UMODL1: variants seen among roughly 807,000 people sequenced by gnomAD.
UMODL1 encodes uromodulin-like 1.
In UMODL1, 128 loss-of-function variants were observed where a neutral mutation model predicts 136.3. The observed-to-expected ratio is 0.94, with a 90% CI of 0.81 to 1.09. The LOEUF (loss-of-function observed/expected upper bound fraction) is 1.09. UMODL1 is among the 50% of genes least tolerant of loss of function. UMODL1 has a pLI of 0.00. For missense variants in UMODL1, 1,766 were observed against 1,725.6 expected (o/e 1.02, Z -0.41); for synonymous variants, 721 against 720.0 (o/e 1.00, Z -0.02).
intron 17 of UMODL1, among the ~76,000 whole-genome samples, chr21:42,124,419 T>A (rs1352777917): frequency 6.6e-6 from 1 of 152,056 alleles, no homozygotes; most frequent in Non-Finnish European, 1.5e-5. Flanking sequence ...GAGGCCAGCG[T>A]CGTTCCAAGG....
At chr21:42,071,115 A>G (rs1389970091), upstream of UMODL1, among the ~76,000 whole-genome samples, 1 of 152,166 alleles carries the variant, frequency 6.6e-6, no homozygotes, top group African/African-American at 2.4e-5. Flanking sequence ...GGCCATGGCA[A>G]TGGTGGGTGT....
At position 42,111,112 on chromosome 21, in the gene UMODL1, G is replaced by A. The variant is rs758172756; in HGVS notation, c.1890G>A (p.Val630=). 3.7e-6 allele frequency: 6 copies of A among 1,609,750 alleles called. No individual in the cohort carries two copies. Among genetic ancestry groups the A allele is most frequent in the Non-Finnish European group, 5.1e-6 (6 of 1,178,354 alleles). The change falls in exon 11 of 23, where the codon GTG becomes GTA. Residue 630 remains valine, a synonymous_variant. Coordinates refer to ENST00000408910, the MANE Select transcript of UMODL1 (RefSeq NM_001004416.3). ...ACAGGAACAACACAGGAAAAGGCGT[G>A]GAGCAGGAGGTGCCCAGCACTGCCC... The part of the protein sequence containing the change: ...GYDRNNTGKG[V]EQELQGNSIM...
chr21:42,113,822 T>A lies in UMODL1; in HGVS notation c.2354T>A (p.Val785Glu), dbSNP rs780526566. The A allele has an allele frequency of 1.9e-6, 3 of 1,612,766 alleles. No individual in the cohort carries two copies. The East Asian group carries it at 6.7e-5, about 36-fold the overall frequency. The change falls in exon 13 of 23, where the codon GTG (valine) becomes GAG (glutamate). Residue 785 changes from valine (V) to glutamate (E), a missense_variant. By Grantham distance (121) the Val-to-Glu change is moderately radical. Transcript: ENST00000408910. ...GKEGARAHLKVRTAARKLIGK... is the reference protein window; with the variant it reads ...GKEGARAHLKERTAARKLIGK... Reference sequence around the variant, plus strand: ...GAAGGTGCCAGAGCTCATCTGAAAGTGAGGACAGGTAATGGGCTTCCATTT... The same window carrying A: ...GAAGGTGCCAGAGCTCATCTGAAAGAGAGGACAGGTAATGGGCTTCCATTT...
intron 21 of UMODL1, among the ~76,000 whole-genome samples, chr21:42,134,955 A>C (rs2067185631): frequency 6.6e-6 from 1 of 152,124 alleles, no homozygotes; most frequent in East Asian, 1.9e-4. Flanking sequence ...TCTGGGATAC[A>C]TGTGCAGAAC....
upstream of UMODL1, among the ~76,000 whole-genome samples, chr21:42,069,926 A>G (rs1250917344): frequency 6.6e-6 from 1 of 152,152 alleles, no homozygotes; most frequent in Non-Finnish European, 1.5e-5. Flanking sequence ...AACGTTTTTT[A>G]ATGAGCCAAT....
intron 2 of UMODL1, among the ~76,000 whole-genome samples, chr21:42,080,043 C>T (rs2066343449): frequency 6.6e-6 from 1 of 152,246 alleles, no homozygotes; most frequent in Non-Finnish European, 1.5e-5. Context: ...CATTTCTTCC[C>T]AGCCCCACGG....
intron 1 of UMODL1, among the ~76,000 whole-genome samples, chr21:42,074,902 AT>A: frequency 7.0e-6 from 1 of 143,498 alleles, no homozygotes; most frequent in Non-Finnish European, 1.5e-5. Context: ...TTTATTTTTT[AT>A]TTTTGTTTTT....
chr21:42,140,368 A>T (rs2067264703), intron 22 of UMODL1, among the ~76,000 whole-genome samples: 1 of 150,422 alleles, frequency 6.6e-6, no homozygotes, highest in Admixed American at 6.6e-5. Context: ...CGTGGCTAGG[A>T]GGTCCAGGGC....
At position 42,088,554 on chromosome 21, in the gene UMODL1, G is replaced by A. The variant is rs1202968270; in HGVS notation, c.790+74G>A. ...TGAACAGCCAAAATGCAAGGTGGAC[G>A]CTAAAGCCAGACCAGTCCTTTGTCT... is the stretch of plus-strand genomic sequence containing the variant. On this transcript the variant is annotated intron_variant, in intron 5 of 22. Transcript: ENST00000408910. 15 of 1,415,632 alleles carry A rather than the reference G, an allele frequency of 1.1e-5. No homozygotes were observed. In the South Asian group the frequency reaches 1.3e-4, roughly 12 times the overall value. 87.7% of individuals were successfully genotyped at this position (1,415,632 alleles called of 1,614,324 possible). A position where few individuals can be genotyped will look rare whatever the true frequency, so the allele number is the denominator to read the frequency against.
intron 8 of UMODL1, 51 bp from the exon 9 acceptor site, chr21:42,103,816 TA>T (rs1215493845): frequency 1.2e-6 from 2 of 1,604,056 alleles, no homozygotes; most frequent in Non-Finnish European, 1.7e-6. Flanking sequence ...GAACCCTGCT[TA>T]ATGGTCGTGA....
At chr21:42,072,192 G>A (rs1024307699) in intron 1 of UMODL1, among the ~76,000 whole-genome samples, 1 of 152,194 alleles carries the variant, frequency 6.6e-6, no homozygotes, top group Admixed American at 6.5e-5. Flanking sequence ...GGCTCTGTCC[G>A]GAGTTTTCCC....
In UMODL1 at chr21:42,099,949, C is replaced by T. The variant is rs1052669355; in HGVS notation, c.1186+769C>T. Among the ~76,000 whole-genome samples the T allele has an allele frequency of 1.3e-5, 2 of 152,330 alleles. No homozygotes were observed. The highest frequency in any genetic ancestry group is 2.9e-5 in the Non-Finnish European group (2 of 68,030). On this transcript the variant is annotated intron_variant, in intron 7 of 22. Transcript: ENST00000408910. The surrounding 1 kb of genome is among the most constrained non-coding windows in gnomAD (Gnocchi z 4.1). ...CAGGAGGCAACTTTTGTCTCCAAAACACACACGACACACACATGAACTTGG... is the reference window on the plus strand; with the variant it reads ...CAGGAGGCAACTTTTGTCTCCAAAATACACACGACACACACATGAACTTGG...
intron 12 of UMODL1, among the ~76,000 whole-genome samples, chr21:42,112,426 G>A (rs866309847): frequency 6.8e-6 from 1 of 146,498 alleles, no homozygotes; most frequent in Non-Finnish European, 1.5e-5. Flanking sequence ...ACCCCCAGCT[G>A]TTCTGCATCC....
In UMODL1 at chr21:42,122,026, A is replaced by G. The variant is rs1403982111; in HGVS notation, c.2827+802A>G. Reference sequence around the variant, plus strand: ...AGCAGGCTGCCCAGGGAGGCGGGTGAGGCAGCAGCCAACTGTGAAGTCCTC... The same window carrying G: ...AGCAGGCTGCCCAGGGAGGCGGGTGGGGCAGCAGCCAACTGTGAAGTCCTC... On this transcript the variant is annotated intron_variant, in intron 16 of 22. Coordinates refer to ENST00000408910, the MANE Select transcript of UMODL1 (RefSeq NM_001004416.3). This position sits in a 1 kb window ranked among gnomAD's most constrained non-coding sequence, Gnocchi z 4.3. Among the ~76,000 whole-genome samples, 1 of 152,178 alleles carries G rather than the reference A, an allele frequency of 6.6e-6. No homozygotes were observed. The highest frequency in any genetic ancestry group is 1.5e-5 in the Non-Finnish European group (1 of 68,030).
intron 6 of UMODL1, among the ~76,000 whole-genome samples, chr21:42,096,946 A>G (rs1214516556): frequency 6.6e-6 from 1 of 152,142 alleles, no homozygotes; most frequent in African/African-American, 2.4e-5. Context: ...AGACTTTAAG[A>G]AGCCGGGTGG....
intron 4 of UMODL1, among the ~76,000 whole-genome samples, 179 bp from the exon 5 acceptor site, chr21:42,088,115 G>C (rs747079078): frequency 6.6e-6 from 1 of 152,202 alleles, no homozygotes; most frequent in Non-Finnish European, 1.5e-5. Context: ...TGATAGTTCC[G>C]GTTTGTAGGA....
intron 14 of UMODL1, 99 bp from the exon 15 acceptor site, chr21:42,119,012 G>A: frequency 7.9e-7 from 1 of 1,266,278 alleles, no homozygotes; most frequent in Non-Finnish European, 1.1e-6. Context: ...CCACGGGCCA[G>A]CCCTGCTGCT....
At chr21:42,075,259 A>G (rs2066277274) in intron 1 of UMODL1, among the ~76,000 whole-genome samples, 2 of 150,232 alleles carry the variant, frequency 1.3e-5, no homozygotes, top group African/African-American at 4.9e-5. Flanking sequence ...GGGTTTCACC[A>G]TGTTGGCCGG....
At chr21:42,081,694 T>C (rs1342586132) in intron 2 of UMODL1, among the ~76,000 whole-genome samples, 4 of 152,192 alleles carry the variant, frequency 2.6e-5, no homozygotes, top group Non-Finnish European at 5.9e-5. Context: ...AGAAAGGTCC[T>C]GTACCCCCCA....
Sources: allele counts gnomAD v4.1 joint callset (sites outside exome capture counted in the v4.1 genomes callset), GRCh38; gene constraint gnomAD v4.1.1; non-coding constraint Gnocchi (gnomAD v3.1); transcripts MANE v1.5; gene names NCBI Gene and HGNC (gene_info 2026-07-23, HGNC 2026-07-21).